CFAP100: variants seen among roughly 807,000 people sequenced by gnomAD.
The protein encoded by CFAP100 is cilia and flagella associated protein 100.
Under a neutral mutation model 81.5 loss-of-function variants are expected in CFAP100, and 70 were observed. The observed-to-expected ratio is 0.86, with a 90% CI of 0.71 to 1.05. The LOEUF (loss-of-function observed/expected upper bound fraction) is 1.05. Ranked by LOEUF, CFAP100 falls within the 50% of genes least tolerant of loss-of-function variation. CFAP100 has a pLI of 0.00. For synonymous variants in CFAP100, 341 were observed against 314.8 expected, an observed-to-expected ratio of 1.08 and a Z score of -0.88; for missense variants, 811 against 776.5, an observed-to-expected ratio of 1.04 and a Z score of -0.53.
At chr3:126,434,137 C>T (rs76144029) in intron 14 of CFAP100, 39 bp from the exon 15 acceptor site, 22,761 of 1,567,104 alleles carry the variant, frequency 0.015, 1,006 homozygotes, top group South Asian at 0.12. Flanking sequence ...GGTGGGTTTC[C>T]GCCTGCCAGC....
At chr3:126,406,272 C>T (rs552435074) in intron 2 of CFAP100, among the ~76,000 whole-genome samples, 14 of 152,350 alleles carry the variant, frequency 9.2e-5, no homozygotes, top group African/African-American at 3.4e-4. Flanking sequence ...TTCCCTCACC[C>T]CATGACCATT....
At chr3:126,406,280 A>AT (rs2083062283) in intron 2 of CFAP100, among the ~76,000 whole-genome samples, 1 of 151,778 alleles carries the variant, frequency 6.6e-6, no homozygotes, top group Admixed American at 6.6e-5. Context: ...CCCCATGACC[A>AT]TTTGCTCAGG....
At chr3:126,417,521 A>G (rs2083262602) in intron 5 of CFAP100, among the ~76,000 whole-genome samples, 1 of 152,190 alleles carries the variant, frequency 6.6e-6, no homozygotes, top group Admixed American at 6.5e-5. Flanking sequence ...TAGGCCCCAC[A>G]GTTGGAGAGG....
At chr3:126,436,065 C>T (rs1007050959) in intron 16 of CFAP100, among the ~76,000 whole-genome samples, 1 of 152,224 alleles carries the variant, frequency 6.6e-6, no homozygotes, top group South Asian at 2.1e-4. Context: ...GGTCCCTCTG[C>T]CCCCACATCT....
At chr3:126,414,505 C>T (rs2083203840) in intron 4 of CFAP100, among the ~76,000 whole-genome samples, 1 of 152,218 alleles carries the variant, frequency 6.6e-6, no homozygotes, top group Non-Finnish European at 1.5e-5. Context: ...TCTCCTGACA[C>T]TCTCCGGGTC....
At chr3:126,417,550 G>A (rs1223925986) in intron 5 of CFAP100, among the ~76,000 whole-genome samples, 1 of 152,178 alleles carries the variant, frequency 6.6e-6, no homozygotes, top group East Asian at 1.9e-4. Context: ...GGGAATGGGG[G>A]TTAGACGGGG....
intron 13 of CFAP100, among the ~76,000 whole-genome samples, chr3:126,429,863 C>A (rs1166860040): frequency 6.6e-6 from 1 of 152,132 alleles, no homozygotes; most frequent in Non-Finnish European, 1.5e-5. Context: ...TCCTGGGTGA[C>A]CACCTCCTTC....
At chr3:126,427,441 C>A (rs914780934) in intron 13 of CFAP100, among the ~76,000 whole-genome samples, 7 of 152,124 alleles carry the variant, frequency 4.6e-5, no homozygotes, top group African/African-American at 1.7e-4. Flanking sequence ...TCTAGAACTT[C>A]AAGATAATAA....
At chr3:126,425,267 G>T (rs751268255) in intron 13 of CFAP100, among the ~76,000 whole-genome samples, 19 of 152,310 alleles carry the variant, frequency 1.2e-4, no homozygotes, top group Non-Finnish European at 2.5e-4. Flanking sequence ...CCCATACTTT[G>T]TTTCCAGGGG....
intron 13 of CFAP100, among the ~76,000 whole-genome samples, chr3:126,427,049 A>G (rs1414603116): frequency 6.6e-6 from 1 of 152,254 alleles, no homozygotes; most frequent in Non-Finnish European, 1.5e-5. Flanking sequence ...AGGGATAGGA[A>G]GGCTCAGTAT....
At chr3:126,397,010 C>T (rs1260467919) in intron 2 of CFAP100, among the ~76,000 whole-genome samples, 2 of 152,244 alleles carry the variant, frequency 1.3e-5, no homozygotes, top group Non-Finnish European at 2.9e-5. Context: ...CCACTGTCCC[C>T]TGTCTCTTCT....
In CFAP100 at chr3:126,435,627, G is replaced by C; in HGVS notation, c.1697G>C (p.Arg566Pro). ...GAGCATCTGCAGCGGGCCCGGGCGC[G>C]CGCCCAGGCTGAGATCAAGAAGAAG... The part of the protein sequence containing the change: ...QEEHLQRARA[R>P]AQAEIKKKRG... The change falls in exon 16 of 17, where the codon CGC becomes CCC. Residue 566 changes from arginine to proline, a missense_variant. Transcript: ENST00000352312. 2 of 1,612,042 alleles carry C rather than the reference G, an allele frequency of 1.2e-6. No homozygotes were observed. Among genetic ancestry groups the C allele is most frequent in the East Asian group, 2.2e-5 (1 of 44,738 alleles).
chr3:126,395,808 T>G, intron 1 of CFAP100, 134 bp from the exon 2 acceptor site: 2 of 589,038 alleles, frequency 3.4e-6, no homozygotes, highest in Non-Finnish European at 3.0e-6. Context: ...GACCCTCGGG[T>G]GGGAGAGGCA....
chr3:126,423,192 T>G, intron 11 of CFAP100, 133 bp from the exon 12 acceptor site: 1 of 675,504 alleles, frequency 1.5e-6, no homozygotes, highest in Non-Finnish European at 2.5e-6. Flanking sequence ...TGCTGCCCTC[T>G]GGGTAACTTG....
chr3:126,412,415 A>G (rs2083172522), intron 3 of CFAP100, among the ~76,000 whole-genome samples: 1 of 152,224 alleles, frequency 6.6e-6, no homozygotes, highest in Admixed American at 6.5e-5. Flanking sequence ...GGATTAGGGC[A>G]CGGGCATCTT....
intron 3 of CFAP100, among the ~76,000 whole-genome samples, chr3:126,408,269 T>C (rs1237555784): frequency 6.6e-6 from 1 of 152,126 alleles, no homozygotes; most frequent in Non-Finnish European, 1.5e-5. Flanking sequence ...TTCTCAACAA[T>C]AGGGGTGTTT....
At chr3:126,433,308 C>A in intron 14 of CFAP100, 104 bp downstream of exon 14, 2 of 1,376,402 alleles carry the variant, frequency 1.5e-6, no homozygotes, top group Admixed American at 1.9e-5. Flanking sequence ...GGACAAGGCC[C>A]GGGTGAGTGC....
intron 13 of CFAP100, among the ~76,000 whole-genome samples, chr3:126,428,905 G>A (rs1933067536): frequency 1.3e-5 from 2 of 151,908 alleles, no homozygotes; most frequent in South Asian, 2.1e-4. Context: ...TCAGGAGTTC[G>A]AGACCAGCCT....
At chr3:126,421,230 C>T (rs1339716136) in intron 11 of CFAP100, among the ~76,000 whole-genome samples, 5 of 152,156 alleles carry the variant, frequency 3.3e-5, no homozygotes, top group African/African-American at 1.2e-4. Flanking sequence ...TCTCAAACTC[C>T]TGACCTCAGG....
Sources: gnomAD v4.1 joint callset for allele counts (sites outside exome capture counted in the v4.1 genomes callset) on GRCh38, gnomAD v4.1.1 for gene constraint, MANE v1.5 for transcripts, NCBI Gene and HGNC (gene_info 2026-07-23, HGNC 2026-07-21) for gene names.